Variants in ALK observed in about 807,000 individuals in gnomAD.
ALK encodes the protein ALK tyrosine kinase receptor.
A neutral mutation model predicts 163.1 loss-of-function variants in ALK; 74 were observed. That is an observed-to-expected ratio of 0.45 (90% CI 0.38 to 0.55). ALK has a LOEUF of 0.55. ALK is among the 20% of genes least tolerant of loss of function. ALK has a pLI of 0.00. For synonymous variants in ALK, 960 were observed against 843.2 expected (o/e 1.14, Z -2.40); for missense variants, 2,063 against 2,105.3 (o/e 0.98, Z 0.39).
chr2:29,540,760 T>A (rs1330754260), intron 3 of ALK, among the ~76,000 whole-genome samples: 1 of 152,200 alleles, frequency 6.6e-6, no homozygotes, highest in East Asian at 1.9e-4. Flanking sequence ...TCTTCCATTT[T>A]TCTAACTTGA....
intron 3 of ALK, among the ~76,000 whole-genome samples, chr2:29,671,829 C>A (rs901547622): frequency 6.6e-6 from 1 of 151,928 alleles, no homozygotes; most frequent in African/African-American, 2.4e-5. Flanking sequence ...CAGCTTGCTT[C>A]TACACCACCA....
intron 26 of ALK, among the ~76,000 whole-genome samples, chr2:29,203,392 T>A (rs1669228928): frequency 6.8e-6 from 1 of 148,056 alleles, no homozygotes. Flanking sequence ...TTGGATTCCT[T>A]ATCTTTTATC....
rs560062282 is a variant in ALK at position 29,754,156 on chromosome 2, G to A, written c.668-36459C>T. Among the ~76,000 whole-genome samples, 243 of 152,304 alleles carry A rather than the reference G, an allele frequency of 1.6e-3. 1 individual carries two copies. Among genetic ancestry groups the A allele is most frequent in the African/African-American group, 5.6e-3 (234 of 41,574 alleles). On this transcript the variant is annotated intron_variant, in intron 1 of 28. Transcript: ENST00000389048. ...CCTAAGGCAGTGCTCATTCTGTTCT[G>A]CTCTAGACCATGCACCTTTGCAGGA...
chr2:29,401,940 A>C (rs113571851), intron 4 of ALK, among the ~76,000 whole-genome samples: 1 of 152,248 alleles, frequency 6.6e-6, no homozygotes, highest in East Asian at 1.9e-4. Context: ...AAAGGATTTT[A>C]ATACTAAGAA....
chr2:29,546,438 A>G (rs1174115396), intron 3 of ALK, among the ~76,000 whole-genome samples: 1 of 152,274 alleles, frequency 6.6e-6, no homozygotes, highest in Non-Finnish European at 1.5e-5. Flanking sequence ...TGATCTGACT[A>G]GAAGGAGAAA....
At chr2:29,827,458 G>A (rs370083529) in intron 1 of ALK, among the ~76,000 whole-genome samples, 1 of 152,270 alleles carries the variant, frequency 6.6e-6, no homozygotes, top group African/African-American at 2.4e-5. Context: ...ACCAAATGAT[G>A]AACTCTTTGC....
intron 1 of ALK, among the ~76,000 whole-genome samples, chr2:29,808,048 C>A (rs1307454481): frequency 6.6e-6 from 1 of 152,176 alleles, no homozygotes; most frequent in Non-Finnish European, 1.5e-5. Context: ...GATCTAATCT[C>A]ATTGTTTGGT....
At chr2:29,262,880 C>T (rs1476598137) in intron 11 of ALK, among the ~76,000 whole-genome samples, 24 of 152,240 alleles carry the variant, frequency 1.6e-4, no homozygotes, top group Non-Finnish European at 1.5e-5. Flanking sequence ...CAGCCACCCC[C>T]TGCTCCCCAA....
chr2:29,658,359 A>C (rs1677250157), intron 3 of ALK, among the ~76,000 whole-genome samples: 1 of 152,118 alleles, frequency 6.6e-6, no homozygotes, highest in Non-Finnish European at 1.5e-5. Context: ...CACCTGAACT[A>C]ACTACCTGCA....
chr2:29,577,290 C>T (rs1199658692), intron 3 of ALK, among the ~76,000 whole-genome samples: 1 of 152,146 alleles, frequency 6.6e-6, no homozygotes, highest in Non-Finnish European at 1.5e-5. Context: ...GCCTCAGTTT[C>T]TTCATATGGA....
At chr2:29,249,626 A>G (rs1198269117) in intron 12 of ALK, among the ~76,000 whole-genome samples, 1 of 152,198 alleles carries the variant, frequency 6.6e-6, no homozygotes, top group African/African-American at 2.4e-5. Context: ...CTCCGACTCC[A>G]GAGTTCTCCC....
intron 1 of ALK, among the ~76,000 whole-genome samples, chr2:29,828,342 C>T (rs1210375597): frequency 2.0e-5 from 3 of 152,180 alleles, no homozygotes; most frequent in Non-Finnish European, 4.4e-5. Context: ...TAAAGAGCTT[C>T]TGCACAGCAA....
intron 3 of ALK, among the ~76,000 whole-genome samples, chr2:29,539,713 G>T (rs1182981024): frequency 6.6e-6 from 1 of 152,086 alleles, no homozygotes; most frequent in Non-Finnish European, 1.5e-5. Context: ...AGTGGGACAA[G>T]AATTAATTAC....
intron 1 of ALK, among the ~76,000 whole-genome samples, chr2:29,914,657 A>G (rs1364057402): frequency 3.3e-5 from 5 of 152,124 alleles, no homozygotes; most frequent in African/African-American, 9.7e-5. Flanking sequence ...TTATATCCCT[A>G]TTTTTCTAAT....
intron 1 of ALK, among the ~76,000 whole-genome samples, chr2:29,918,753 A>T (rs1266826124): frequency 1.3e-5 from 2 of 152,162 alleles, no homozygotes. Flanking sequence ...GTAGCTCTAC[A>T]ATGGGCCCTT....
At chr2:29,566,158 G>A (rs573697175) in intron 3 of ALK, among the ~76,000 whole-genome samples, 1 of 152,322 alleles carries the variant, frequency 6.6e-6, no homozygotes, top group East Asian at 1.9e-4. Context: ...ATCACTTTAT[G>A]AGCGGTCCAA....
At chr2:29,636,192 A>G (rs1676521804) in intron 3 of ALK, among the ~76,000 whole-genome samples, 1 of 152,218 alleles carries the variant, frequency 6.6e-6, no homozygotes, top group African/African-American at 2.4e-5. Flanking sequence ...ATGGAATGAA[A>G]TGAGAACACA....
At chr2:29,591,533 T>C (rs1250527766) in intron 3 of ALK, among the ~76,000 whole-genome samples, 1 of 151,988 alleles carries the variant, frequency 6.6e-6, no homozygotes, top group Non-Finnish European at 1.5e-5. Flanking sequence ...GAGGGAAGAA[T>C]ATAAAACGTC....
At chr2:29,425,781 T>C (rs1236161806) in intron 4 of ALK, among the ~76,000 whole-genome samples, 1 of 152,126 alleles carries the variant, frequency 6.6e-6, no homozygotes, top group East Asian at 1.9e-4. Flanking sequence ...TTATATCAGA[T>C]TGTGAGGGAG....
Sources: allele counts gnomAD v4.1 joint callset (sites outside exome capture counted in the v4.1 genomes callset), GRCh38; gene constraint gnomAD v4.1.1; transcripts MANE v1.5; gene names NCBI Gene and HGNC (gene_info 2026-07-23, HGNC 2026-07-21).